Variants in ADAMTSL1 observed in about 807,000 individuals in gnomAD.
ADAMTSL1 encodes the protein ADAMTS-like protein 1.
Under a neutral mutation model 201.8 loss-of-function variants are expected in ADAMTSL1, and 126 were observed. The ratio of observed to expected loss-of-function variants is 0.62; its 90% CI spans 0.54 to 0.72. The LOEUF is 0.72. Among genes scored for constraint, ADAMTSL1 ranks in the 30% least tolerant of loss-of-function variants. ADAMTSL1 has a pLI of 0.00. For missense variants in ADAMTSL1, 2,679 were observed against 2,277.8 expected, an observed-to-expected ratio of 1.18 and a Z score of -3.59; for synonymous variants, 1,121 against 903.4, an observed-to-expected ratio of 1.24 and a Z score of -4.32.
intron 2 of ADAMTSL1, among the ~76,000 whole-genome samples, chr9:18,459,333 A>G (rs1269158498): frequency 1.3e-5 from 2 of 152,076 alleles, no homozygotes; most frequent in Non-Finnish European, 2.9e-5. Flanking sequence ...GTCAGACTTT[A>G]TTGGTGTTTT....
intron 2 of ADAMTSL1, among the ~76,000 whole-genome samples, chr9:18,528,562 A>G (rs762515898): frequency 3.9e-5 from 6 of 152,120 alleles, no homozygotes; most frequent in Non-Finnish European, 8.8e-5. Context: ...GCTGCATAGT[A>G]TTCCATGGTG....
intron 2 of ADAMTSL1, among the ~76,000 whole-genome samples, chr9:18,366,627 ATTT>A (rs772034324): frequency 1.7e-4 from 19 of 112,802 alleles, no homozygotes; most frequent in African/African-American, 5.8e-4. Context: ...GAAATCACTA[ATTT>A]TTTTTTTTTT....
At chr9:18,738,191 C>T (rs549086454) in intron 15 of ADAMTSL1, among the ~76,000 whole-genome samples, 1 of 152,200 alleles carries the variant, frequency 6.6e-6, no homozygotes, top group South Asian at 2.1e-4. Context: ...ATATTTTTCA[C>T]TAGGATAAGA....
At chr9:18,685,570 A>G (rs1026667543) in intron 13 of ADAMTSL1, among the ~76,000 whole-genome samples, 5 of 152,362 alleles carry the variant, frequency 3.3e-5, no homozygotes, top group East Asian at 1.9e-4. Context: ...AAATTAATTC[A>G]TTTAATGTAA....
intron 2 of ADAMTSL1, among the ~76,000 whole-genome samples, chr9:18,285,713 T>C (rs2132650956): frequency 6.6e-6 from 1 of 152,292 alleles, no homozygotes; most frequent in East Asian, 1.9e-4. Context: ...GGTTTAATTC[T>C]TACTGTAGTC....
chr9:18,390,370 T>G (rs1346210649), intron 2 of ADAMTSL1, among the ~76,000 whole-genome samples: 2 of 152,218 alleles, frequency 1.3e-5, no homozygotes, highest in Non-Finnish European at 2.9e-5. Context: ...GATGCACAGG[T>G]GTTTTCTGGG....
intron 7 of ADAMTSL1, among the ~76,000 whole-genome samples, chr9:18,645,386 A>G (rs1287037956): frequency 6.6e-6 from 1 of 151,984 alleles, no homozygotes; most frequent in African/African-American, 2.4e-5. Context: ...GAAGCTCTTT[A>G]GTTTAATTAG....
In ADAMTSL1 at chr9:18,534,787, C is replaced by G. The variant is rs566743359; in HGVS notation, c.237+1495C>G. Among the ~76,000 whole-genome samples, 65 of 152,344 alleles carry G rather than the reference C, an allele frequency of 4.3e-4. 1 individual carries two copies. The East Asian group carries it at 0.011, about 25-fold the overall frequency. On this transcript the variant is annotated intron_variant, in intron 3 of 28. Coordinates refer to ENST00000380548, the MANE Select transcript of ADAMTSL1 (RefSeq NM_001040272.6). ...ACATGGAAGCTGCCAAGGCTTGGGG[C>G]TTGCACCCCCTAAAGCAATGGCCTG... is the stretch of plus-strand genomic sequence containing the variant.
chr9:18,406,435 T>G (rs1416079359), intron 2 of ADAMTSL1, among the ~76,000 whole-genome samples: 1 of 151,938 alleles, frequency 6.6e-6, no homozygotes, highest in African/African-American at 2.4e-5. Flanking sequence ...TTCAAGCGAC[T>G]CTCCTGCCTC....
intron 1 of ADAMTSL1, among the ~76,000 whole-genome samples, chr9:17,994,459 A>T (rs902990389): frequency 6.6e-6 from 1 of 152,142 alleles, no homozygotes; most frequent in Non-Finnish European, 1.5e-5. Context: ...TTTCATTGGG[A>T]ATTGTAATAA....
intron 2 of ADAMTSL1, among the ~76,000 whole-genome samples, chr9:18,211,363 T>A (rs1030193522): frequency 6.6e-6 from 1 of 152,090 alleles, no homozygotes; most frequent in African/African-American, 2.4e-5. Context: ...CAGATGTGAG[T>A]CTCAAGACCC....
At chr9:18,833,195 T>A (rs1825099677) in intron 23 of ADAMTSL1, among the ~76,000 whole-genome samples, 1 of 152,188 alleles carries the variant, frequency 6.6e-6, no homozygotes, top group African/African-American at 2.4e-5. Context: ...GTTGCTCTCA[T>A]ACTCTTGACC....
intron 23 of ADAMTSL1, among the ~76,000 whole-genome samples, chr9:18,878,710 T>C (rs1828330157): frequency 6.6e-6 from 1 of 152,254 alleles, no homozygotes; most frequent in Admixed American, 6.5e-5. Context: ...TTTCCTGGTA[T>C]GTTCCTGTGG....
chr9:18,178,468 C>G (rs991326863), intron 2 of ADAMTSL1, among the ~76,000 whole-genome samples: 1 of 152,076 alleles, frequency 6.6e-6, no homozygotes, highest in Non-Finnish European at 1.5e-5. Context: ...CCGCCATTGC[C>G]CAGGCTTGCT....
At chr9:18,640,226 TCTG>T (rs1345142956) in intron 7 of ADAMTSL1, among the ~76,000 whole-genome samples, 26 of 152,146 alleles carry the variant, frequency 1.7e-4, no homozygotes, top group African/African-American at 5.5e-4. Flanking sequence ...TCCGTCTCCA[TCTG>T]CATGGTAGTT....
intron 2 of ADAMTSL1, among the ~76,000 whole-genome samples, chr9:18,367,301 A>G (rs1017457712): frequency 4.6e-5 from 7 of 152,212 alleles, no homozygotes; most frequent in Admixed American, 1.3e-4. Flanking sequence ...TTCACTTATA[A>G]TGGACCATAA....
intron 21 of ADAMTSL1, among the ~76,000 whole-genome samples, chr9:18,824,020 A>G (rs1251172064): frequency 1.3e-5 from 2 of 151,494 alleles, no homozygotes; most frequent in Non-Finnish European, 2.9e-5. Context: ...AAGGAAGGAA[A>G]GAAGGAAGGA....
chr9:18,900,891 C>T (rs1829979388), intron 26 of ADAMTSL1, among the ~76,000 whole-genome samples: 1 of 152,066 alleles, frequency 6.6e-6, no homozygotes. Flanking sequence ...CACAAATCTG[C>T]ACATGTACTC....
chr9:18,830,636 A>T (rs1176735420), intron 23 of ADAMTSL1, among the ~76,000 whole-genome samples: 2 of 152,152 alleles, frequency 1.3e-5, no homozygotes, highest in Non-Finnish European at 2.9e-5. Flanking sequence ...CCCCCACACG[A>T]GAATCATGAA....
Sources: gnomAD v4.1 joint callset for allele counts (sites outside exome capture counted in the v4.1 genomes callset) on GRCh38, gnomAD v4.1.1 for gene constraint, MANE v1.5 for transcripts, NCBI Gene and HGNC (gene_info 2026-07-23, HGNC 2026-07-21) for gene names.